Variants in MAF observed in about 807,000 individuals in gnomAD.
The protein encoded by MAF is MAF bZIP transcription factor, also known as transcription factor Maf.
In MAF, 10 loss-of-function variants were observed where a neutral mutation model predicts 22.0. The observed-to-expected ratio is 0.45, with a 90% CI of 0.28 to 0.77. The LOEUF is 0.77. Ranked by LOEUF, MAF falls within the 30% of genes least tolerant of loss-of-function variation. The pLI is 0.12. For synonymous variants in MAF, 337 were observed against 255.8 expected (o/e 1.32, Z -3.03); for missense variants, 544 against 548.4 (o/e 0.99, Z 0.08).
chr16:79,304,835 T>C, the MAF span, among the ~76,000 whole-genome samples: 5 of 152,200 alleles, frequency 3.3e-5, no homozygotes, highest in African/African-American at 4.8e-5. Flanking sequence ...GTGAGTTGCG[T>C]GTTTGTGTTT....
the MAF span, among the ~76,000 whole-genome samples, chr16:79,387,304 G>A: frequency 6.6e-6 from 1 of 152,012 alleles, no homozygotes; most frequent in Non-Finnish European, 1.5e-5. Flanking sequence ...CATGTCTAAG[G>A]GATTAAAAAG....
the MAF span, among the ~76,000 whole-genome samples, chr16:79,419,242 C>G: frequency 1.3e-5 from 2 of 152,126 alleles, no homozygotes; most frequent in Non-Finnish European, 2.9e-5. Flanking sequence ...AGCAGCCTCC[C>G]ATAGAGGGAG....
At chr16:79,327,740 G>A in the MAF span, among the ~76,000 whole-genome samples, 2 of 152,178 alleles carry the variant, frequency 1.3e-5, no homozygotes, top group African/African-American at 2.4e-5. Flanking sequence ...AGTGCTGACC[G>A]CTTTATCTCT....
the MAF span, among the ~76,000 whole-genome samples, chr16:79,276,618 A>ATCAG: frequency 2.0e-5 from 3 of 152,200 alleles, no homozygotes; most frequent in Non-Finnish European, 4.4e-5. Flanking sequence ...GACATCACCC[A>ATCAG]TCAGTGCCAG....
chr16:79,418,376 A>G, the MAF span, among the ~76,000 whole-genome samples: 2 of 152,166 alleles, frequency 1.3e-5, no homozygotes, highest in African/African-American at 4.8e-5. Context: ...CAAAGCCTGA[A>G]TACCTGTGTC....
At chr16:79,361,024 G>T in the MAF span, among the ~76,000 whole-genome samples, 1 of 152,172 alleles carries the variant, frequency 6.6e-6, no homozygotes, top group African/African-American at 2.4e-5. Context: ...CAATATTTAT[G>T]TTACTAAACA....
chr16:79,390,373 A>G, the MAF span, among the ~76,000 whole-genome samples: 1 of 152,158 alleles, frequency 6.6e-6, no homozygotes, highest in Non-Finnish European at 1.5e-5. Context: ...AAAGCTTGAA[A>G]TTCCTGACCA....
At chr16:79,212,439 T>TAGAG in the MAF span, 3,689 of 282,652 alleles carry the variant, frequency 0.013, 30 homozygotes, top group Middle Eastern at 0.038. Flanking sequence ...AAAAATTCTT[T>TAGAG]AGAGATTATA....
the MAF span, among the ~76,000 whole-genome samples, chr16:79,514,276 T>G: frequency 8.5e-5 from 13 of 152,232 alleles, no homozygotes; most frequent in African/African-American, 3.1e-4. Flanking sequence ...TCCCATTACC[T>G]ATCATTCAAA....
At chr16:79,400,058 C>T in the MAF span, among the ~76,000 whole-genome samples, 1 of 152,166 alleles carries the variant, frequency 6.6e-6, no homozygotes, top group African/African-American at 2.4e-5. Context: ...GTCTATTTTG[C>T]CTCCAGGGGA....
chr16:79,576,231 T>TAAA, the MAF span, among the ~76,000 whole-genome samples: 1,115 of 43,010 alleles, frequency 0.026, 65 homozygotes, highest in Non-Finnish European at 0.04. Context: ...CCTGTGGTAC[T>TAAA]AAAAAAAAAA....
chr16:79,233,425 T>G, the MAF span, among the ~76,000 whole-genome samples: 1 of 151,988 alleles, frequency 6.6e-6, no homozygotes, highest in African/African-American at 2.4e-5. Flanking sequence ...GTGATAGCCC[T>G]AGAGGTTCCA....
the MAF span, among the ~76,000 whole-genome samples, chr16:79,342,558 C>T: frequency 6.6e-6 from 1 of 152,084 alleles, no homozygotes; most frequent in Admixed American, 6.6e-5. Flanking sequence ...GTCACCATCT[C>T]CATTACCATC....
the MAF span, among the ~76,000 whole-genome samples, chr16:79,515,407 T>C: frequency 6.6e-6 from 1 of 152,226 alleles, no homozygotes; most frequent in Non-Finnish European, 1.5e-5. Flanking sequence ...CATTCTGTTT[T>C]TCACTTTCAG....
chr16:79,455,402 C>T, the MAF span, among the ~76,000 whole-genome samples: 3 of 152,116 alleles, frequency 2.0e-5, no homozygotes, highest in African/African-American at 7.2e-5. Context: ...TGAACTGAAA[C>T]ATGTCCCCAG....
the MAF span, among the ~76,000 whole-genome samples, chr16:79,229,660 G>A: frequency 6.6e-6 from 1 of 151,706 alleles, no homozygotes; most frequent in Non-Finnish European, 1.5e-5. Context: ...CAGCACCTGG[G>A]CAAGCCAGCA....
the MAF span, among the ~76,000 whole-genome samples, chr16:79,438,415 G>A: frequency 6.6e-6 from 1 of 152,174 alleles, no homozygotes; most frequent in Admixed American, 6.5e-5. Context: ...TGGGGCATGT[G>A]GGTAAGAGAC....
At chr16:79,337,477 A>G in the MAF span, among the ~76,000 whole-genome samples, 2 of 152,206 alleles carry the variant, frequency 1.3e-5, no homozygotes, top group African/African-American at 4.8e-5. Flanking sequence ...CTGAGGCAGA[A>G]GAATCGCTTG....
At chr16:79,581,757 T>C (rs1198986197), downstream of MAF, among the ~76,000 whole-genome samples, 2 of 152,372 alleles carry the variant, frequency 1.3e-5, no homozygotes, top group East Asian at 3.9e-4. Flanking sequence ...CTTTTTGGAC[T>C]GTCAGGCTCA....
Sources: allele counts gnomAD v4.1 joint callset (sites outside exome capture counted in the v4.1 genomes callset), GRCh38; gene constraint gnomAD v4.1.1; transcripts MANE v1.5; gene names NCBI Gene and HGNC (gene_info 2026-07-23, HGNC 2026-07-21).